Variants in INPP4B observed in about 807,000 individuals in gnomAD.
The protein encoded by INPP4B is inositol polyphosphate 4-phosphatase type II.
A neutral mutation model predicts 122.5 loss-of-function variants in INPP4B; 55 were observed. That is an observed-to-expected ratio of 0.45 (90% CI 0.36 to 0.56). The LOEUF (loss-of-function observed/expected upper bound fraction) is 0.56, where lower values mean the gene tolerates loss of function less well. Among genes scored for constraint, INPP4B ranks in the 20% least tolerant of loss-of-function variants. The probability of loss-of-function intolerance (pLI) is 0.00; values close to 1 mark genes in which losing one functional copy is unlikely to be tolerated. For missense variants in INPP4B, 1,000 were observed against 1,097.7 expected, an observed-to-expected ratio of 0.91 and a Z score of 1.26; for synonymous variants, 403 against 388.7, an observed-to-expected ratio of 1.04 and a Z score of -0.43.
rs577285233 is a variant in INPP4B at position 142,224,956 on chromosome 4, C to T, written c.836+12908G>A. 9.2e-5 allele frequency among the ~76,000 whole-genome samples: 14 copies of T among 152,022 alleles called. No individual in the cohort carries two copies. The East Asian group carries it at 9.7e-4, about 11-fold the overall frequency. ...GACTGTGTTTTTTATACTAAAGTGA[C>T]GGTTAACATTAAGTGTCAACTTGAT... is the stretch of plus-strand genomic sequence containing the variant. On this transcript the variant is annotated intron_variant, in intron 12 of 25. Coordinates refer to ENST00000262992, the MANE Select transcript of INPP4B (RefSeq NM_001101669.3).
At chr4:142,484,493 T>C (rs1460129385) in intron 2 of INPP4B, among the ~76,000 whole-genome samples, 2 of 152,044 alleles carry the variant, frequency 1.3e-5, no homozygotes, top group Non-Finnish European at 2.9e-5. Flanking sequence ...ATTAGAAGGG[T>C]CTTGATACAT....
At chr4:142,218,228 A>G (rs2149666055) in intron 12 of INPP4B, among the ~76,000 whole-genome samples, 2 of 152,272 alleles carry the variant, frequency 1.3e-5, no homozygotes, top group Admixed American at 6.5e-5. Flanking sequence ...AGGCTCTTCC[A>G]TGGGCTTTTA....
intron 2 of INPP4B, among the ~76,000 whole-genome samples, chr4:142,569,505 A>G (rs1241732448): frequency 6.6e-6 from 1 of 152,090 alleles, no homozygotes; most frequent in Non-Finnish European, 1.5e-5. Context: ...TATCATGACT[A>G]CTTTACAGAA....
At chr4:142,111,424 G>A (rs192773019) in intron 22 of INPP4B, among the ~76,000 whole-genome samples, 426 of 151,148 alleles carry the variant, frequency 2.8e-3, no homozygotes, top group Middle Eastern at 0.014. Context: ...TCAGCTCACC[G>A]CAACCTCTGC....
chr4:142,209,792 C>CAAAAA (rs375306534), intron 12 of INPP4B, among the ~76,000 whole-genome samples: 14 of 39,510 alleles, frequency 3.5e-4, no homozygotes, highest in African/African-American at 9.2e-4. Flanking sequence ...GACCCCGTCT[C>CAAAAA]AAAAAAAAAA....
At chr4:142,305,178 T>A (rs1236129909) in intron 9 of INPP4B, among the ~76,000 whole-genome samples, 1 of 152,222 alleles carries the variant, frequency 6.6e-6, no homozygotes, top group Non-Finnish European at 1.5e-5. Flanking sequence ...TCATAATTTA[T>A]ATTTACTTTC....
At chr4:142,459,676 C>T (rs1243051118) in intron 3 of INPP4B, among the ~76,000 whole-genome samples, 4 of 152,024 alleles carry the variant, frequency 2.6e-5, no homozygotes, top group Admixed American at 1.3e-4. Context: ...CACAGAGAAG[C>T]GTAATTTCTC....
At chr4:142,204,279 G>A (rs745824168) in intron 14 of INPP4B, among the ~76,000 whole-genome samples, 23 of 151,998 alleles carry the variant, frequency 1.5e-4, no homozygotes, top group Non-Finnish European at 3.1e-4. Flanking sequence ...ACATAAGCTT[G>A]ATAATTTAGC....
chr4:142,473,416 G>C (rs557595926), intron 2 of INPP4B: 1 of 152,428 alleles, frequency 6.6e-6, no homozygotes, highest in African/African-American at 2.4e-5. Flanking sequence ...CCCTCTTGGG[G>C]ATACACACTG....
At chr4:142,743,250 A>C (rs570011064) in intron 1 of INPP4B, among the ~76,000 whole-genome samples, 1 of 152,108 alleles carries the variant, frequency 6.6e-6, no homozygotes, top group Admixed American at 6.6e-5. Context: ...CTTAGTGATA[A>C]CTTTCCAACC....
intron 2 of INPP4B, among the ~76,000 whole-genome samples, chr4:142,493,322 T>G (rs892039645): frequency 2.6e-5 from 4 of 152,176 alleles, no homozygotes; most frequent in Non-Finnish European, 5.9e-5. Context: ...ACTGCAGCAC[T>G]GCTTGGTGGA....
chr4:142,312,894 G>C (rs1766082560), intron 8 of INPP4B, among the ~76,000 whole-genome samples: 1 of 152,182 alleles, frequency 6.6e-6, no homozygotes, highest in Non-Finnish European at 1.5e-5. Flanking sequence ...CATTGCCTGA[G>C]AAGCATCAAG....
chr4:142,507,204 A>G (rs1824144205), intron 2 of INPP4B, among the ~76,000 whole-genome samples: 1 of 152,172 alleles, frequency 6.6e-6, no homozygotes, highest in African/African-American at 2.4e-5. Flanking sequence ...AAACAGTGAG[A>G]TCCTTCAGGA....
At chr4:142,478,794 G>C (rs1820129229) in intron 2 of INPP4B, among the ~76,000 whole-genome samples, 2 of 151,988 alleles carry the variant, frequency 1.3e-5, no homozygotes, top group South Asian at 4.1e-4. Context: ...GAATAATACT[G>C]GCCTCATAGA....
chr4:142,270,637 G>T (rs2150564418), intron 10 of INPP4B, 26 bp downstream of exon 10: 1 of 1,391,536 alleles, frequency 7.2e-7, no homozygotes, highest in Non-Finnish European at 1.0e-6. Context: ...AATTTAATTT[G>T]TACAATGAGC....
chr4:142,215,311 A>C (rs1293528689), intron 12 of INPP4B, among the ~76,000 whole-genome samples: 1 of 152,194 alleles, frequency 6.6e-6, no homozygotes, highest in Non-Finnish European at 1.5e-5. Context: ...AACAGCAACA[A>C]AAATAAAAAC....
chr4:142,462,926 A>T (rs1817004356), intron 2 of INPP4B, among the ~76,000 whole-genome samples, 200 bp from the exon 3 acceptor site: 1 of 152,326 alleles, frequency 6.6e-6, no homozygotes, highest in Non-Finnish European at 1.5e-5. Context: ...CAGCCCATAG[A>T]GCCCCTCTAG....
Position 142,023,493 on chromosome 4 carries a change from T to A in INPP4B, c.*5289A>T, listed in dbSNP as rs925866310. The A allele has an allele frequency of 3.9e-5, 6 of 152,180 alleles. No individual in the cohort carries two copies. The highest frequency in any genetic ancestry group is 1.4e-4 in the African/African-American group (6 of 41,442). 9.4% of individuals were successfully genotyped at this position (152,180 alleles called of 1,614,324 possible). On this transcript the variant is annotated 3_prime_UTR_variant, in exon 26 of 26. Coordinates refer to ENST00000262992, the MANE Select transcript of INPP4B (RefSeq NM_001101669.3). ...CAGTGAAATGAGAGTGCCCATACAG[T>A]TATATGCAAACTTTTGAAAGTTTCA...
At chr4:142,414,514 G>A (rs1211582265) in intron 5 of INPP4B, among the ~76,000 whole-genome samples, 1 of 152,152 alleles carries the variant, frequency 6.6e-6, no homozygotes, top group Non-Finnish European at 1.5e-5. Flanking sequence ...GATACCAGCT[G>A]TACAGCAGAC....
Sources: gnomAD v4.1 joint callset for allele counts (sites outside exome capture counted in the v4.1 genomes callset) on GRCh38, gnomAD v4.1.1 for gene constraint, MANE v1.5 for transcripts, NCBI Gene and HGNC (gene_info 2026-07-23, HGNC 2026-07-21) for gene names.